The following EP400 variants were observed in gnomAD, a reference collection of about 807,000 sequenced individuals.
EP400 encodes E1A binding protein p400, also known as E1A-binding protein p400.
In EP400, 105 loss-of-function variants were observed where a neutral mutation model predicts 354.1. The ratio of observed to expected loss-of-function variants is 0.30; its 90% CI spans 0.25 to 0.35. The LOEUF (loss-of-function observed/expected upper bound fraction) is 0.35, where lower values mean the gene tolerates loss of function less well. EP400 is among the 10% of genes least tolerant of loss of function. EP400 has a pLI of 1.00. For synonymous variants in EP400, 1,646 were observed against 1,716.9 expected (o/e 0.96, Z 1.02); for missense variants, 3,280 against 4,121.0 (o/e 0.80, Z 5.59).
In EP400 at chr12:132,013,183, G is replaced by T; in HGVS notation, c.3611+5G>T. ...AGCGGTTTTCACCCTGCAGAGGTCT[G>T]TGTGTTACGCGCTTGTCATTGAGTG... On this transcript the variant is annotated splice_donor_5th_base_variant and intron_variant, in intron 17 of 52. Coordinates refer to ENST00000389561, the MANE Select transcript of EP400 (RefSeq NM_015409.5). This position sits in a 1 kb window ranked among gnomAD's most constrained non-coding sequence, Gnocchi z 4.5. 1.9e-6 allele frequency: 3 copies of T among 1,608,754 alleles called. No homozygotes were observed. Among genetic ancestry groups the T allele is most frequent in the Non-Finnish European group, 2.6e-6 (3 of 1,176,322 alleles).
chr12:131,953,062 AG>A (rs1423150117), intron 1 of EP400, among the ~76,000 whole-genome samples: 1 of 152,140 alleles, frequency 6.6e-6, no homozygotes. Flanking sequence ...ATCTCCAACA[AG>A]GGAGTGAAAA....
At chr12:131,976,340 G>C (rs1175945859) in intron 2 of EP400, among the ~76,000 whole-genome samples, 1 of 152,148 alleles carries the variant, frequency 6.6e-6, no homozygotes, top group African/African-American at 2.4e-5. Flanking sequence ...AATTGTGCAT[G>C]ATATGTAGAA....
chr12:131,956,693 G>A (rs992989099), intron 1 of EP400, among the ~76,000 whole-genome samples: 1 of 152,048 alleles, frequency 6.6e-6, no homozygotes, highest in African/African-American at 2.4e-5. Flanking sequence ...AATTGCTTCT[G>A]TAATTCCCTT....
rs747186520 is a variant in EP400 at position 132,067,475 on chromosome 12, G to A, written c.8863G>A (p.Val2955Ile). The A allele has an allele frequency of 3.1e-5, 50 of 1,612,638 alleles. No individual in the cohort carries two copies. The highest frequency in any genetic ancestry group is 1.8e-4 in the Middle Eastern group (1 of 5,598). The change falls in exon 50 of 53, where the codon GTC becomes ATC. Residue 2955 changes from valine (V) to isoleucine (I), a missense_variant. Val to Ile is a conservative substitution (Grantham distance 29). Around this residue, in one of 20 missense-constraint regions of EP400, gnomAD observed 279 missense variants for 386.7 expected, o/e 0.72. Coordinates refer to ENST00000389561, the MANE Select transcript of EP400 (RefSeq NM_015409.5). The surrounding 1 kb of genome is among the most constrained non-coding windows in gnomAD (Gnocchi z 5.3). ...QPQAAQGPAAVQQKITAQQIT... is the reference protein window; with the variant it reads ...QPQAAQGPAAIQQKITAQQIT... ...CCAGGCTGCACAGGGCCCGGCAGCCGTCCAGCAGAAGGTACCGGGGCTAGG... is the reference window on the plus strand; with the variant it reads ...CCAGGCTGCACAGGGCCCGGCAGCCATCCAGCAGAAGGTACCGGGGCTAGG...
At position 132,018,188 on chromosome 12, in the gene EP400, CTT is replaced by C. The variant is rs752609744; in HGVS notation, c.4111-16_4111-15del. ...TTTTTTGCCTCTTCATGCAGCAAGACTTTTTTTCTTTTTCTCTCTAGGAAGCA... is the reference window on the plus strand; with the variant it reads ...TTTTTTGCCTCTTCATGCAGCAAGACTTTTTCTTTTTCTCTCTAGGAAGCA... On this transcript the variant is annotated intron_variant, in intron 20 of 52. Transcript: ENST00000389561. The surrounding 1 kb of genome is among the most constrained non-coding windows in gnomAD (Gnocchi z 4.0). The C allele has an allele frequency of 3.7e-6, 6 of 1,605,270 alleles. No homozygotes were observed. Among genetic ancestry groups the C allele is most frequent in the Non-Finnish European group, 5.1e-6 (6 of 1,178,014 alleles).
In EP400 at chr12:132,043,348, C is replaced by T. The variant is rs200801198; in HGVS notation, c.6252C>T (p.Ser2084=). The T allele has an allele frequency of 5.3e-5, 86 of 1,614,006 alleles. No homozygotes were observed. The East Asian group carries it at 1.4e-3, about 27-fold the overall frequency. The change falls in exon 33 of 53, where the codon TCC becomes TCT. Residue 2084 remains serine, a synonymous_variant. Coordinates refer to ENST00000389561, the MANE Select transcript of EP400 (RefSeq NM_015409.5). ...IEYLEEDAQK[S]AQEGVLGPHT... Reference sequence around the variant, plus strand: ...ATCTGGAGGAGGATGCCCAGAAGTCCGCACAGGAGGGGGTGCTGGGACCAC... The same window carrying T: ...ATCTGGAGGAGGATGCCCAGAAGTCTGCACAGGAGGGGGTGCTGGGACCAC...
At position 132,065,122 on chromosome 12, in the gene EP400, T is replaced by TTGAGGGGGGTGGAGAG. The variant is rs1895846961; in HGVS notation, c.8553+241_8553+256dup. The TTGAGGGGGGTGGAGAG allele has an allele frequency of 3.7e-5, 27 of 730,958 alleles. No homozygotes were observed. The South Asian group carries it at 5.1e-4, about 14-fold the overall frequency. 45.3% of individuals were successfully genotyped at this position (730,958 alleles called of 1,614,324 possible). On this transcript the variant is annotated intron_variant, in intron 48 of 52. Coordinates refer to ENST00000389561, the MANE Select transcript of EP400 (RefSeq NM_015409.5). Reference sequence around the variant, plus strand: ...ATCACCAAGCTTCTCAGGGCTTGAATTGAGGGGGGTGGAGAGTGAGCGAGG... The same window carrying TTGAGGGGGGTGGAGAG: ...ATCACCAAGCTTCTCAGGGCTTGAATTGAGGGGGGTGGAGAGTGAGGGGGGTGGAGAGTGAGCGAGG...
intron 35 of EP400, 111 bp from the exon 36 acceptor site, chr12:132,044,559 TG>T: frequency 7.5e-7 from 1 of 1,337,554 alleles, no homozygotes; most frequent in Non-Finnish European, 1.0e-6. Context: ...TAAATAGTCA[TG>T]TTGATCAGAA....
rs760371216 is a variant in EP400, at chr12:132,077,503, C to T, written c.9202C>T (p.Leu3068Phe). Residue 3068 changes from leucine (L) to phenylalanine (F), a missense_variant, in exon 53 of 53, where the codon CTC (leucine) becomes TTC (phenylalanine). By Grantham distance (22) the Leu-to-Phe change is conservative. Coordinates refer to ENST00000389561, the MANE Select transcript of EP400 (RefSeq NM_015409.5). ...GACTGCCCAGGTGGTTCAGCAGAAA[C>T]TCATTCAGCAGCAGGTGGTGACCAC... ...TATAQVVQQK[L>F]IQQQVVTTAS... The T allele has an allele frequency of 1.2e-6, 2 of 1,613,824 alleles. No homozygotes were observed. Among genetic ancestry groups the T allele is most frequent in the Non-Finnish European group, 1.7e-6 (2 of 1,180,026 alleles).
intron 1 of EP400, among the ~76,000 whole-genome samples, chr12:131,959,098 G>A (rs765175566): frequency 1.2e-4 from 18 of 152,164 alleles, no homozygotes; most frequent in South Asian, 4.2e-4. Flanking sequence ...GGAACATTGC[G>A]GAGTGGTGTG....
At chr12:132,055,286 CTTCTTT>C (rs1397650449) in intron 45 of EP400, 78 bp downstream of exon 45, 8 of 1,207,290 alleles carry the variant, frequency 6.6e-6, no homozygotes, top group Middle Eastern at 2.7e-4. Flanking sequence ...AATTCTTCTT[CTTCTTT>C]TTAAGTATTC....
intron 13 of EP400, among the ~76,000 whole-genome samples, chr12:132,005,838 A>G (rs1198871049): frequency 6.6e-6 from 1 of 152,166 alleles, no homozygotes; most frequent in Non-Finnish European, 1.5e-5. Context: ...CCTAATTGCT[A>G]TGGAGACATT....
At position 132,021,293 on chromosome 12, in the gene EP400, C is replaced by T. The variant is rs1408509983; in HGVS notation, c.4662C>T (p.Leu1554=). The change falls in exon 23 of 53, where the codon CTC becomes CTT. Residue 1554 remains leucine, a synonymous_variant. Transcript: ENST00000389561. Reference sequence around the variant, plus strand: ...GCGCGCTGCCTCAGAGGCTGGTGCTCCCCTCGCAGGCCCAGGCCCGCTTGC... The same window carrying T: ...GCGCGCTGCCTCAGAGGCTGGTGCTTCCCTCGCAGGCCCAGGCCCGCTTGC... ...GQSALPQRLV[L]PSQAQARLPS... 8 of 1,526,528 alleles carry T rather than the reference C, an allele frequency of 5.2e-6. No homozygotes were observed. Among genetic ancestry groups the T allele is most frequent in the Non-Finnish European group, 7.0e-6 (8 of 1,143,104 alleles). The allele number at this position is 1,526,528 out of a possible 1,614,324, so 94.6% of individuals were successfully genotyped here.
rs1479250660 is a variant in EP400 at position 132,017,083 on chromosome 12, G to C, written c.3924-452G>C. 6.6e-6 allele frequency among the ~76,000 whole-genome samples: 1 copy of C among 152,208 alleles called. No homozygotes were observed. Among genetic ancestry groups the C allele is most frequent in the East Asian group, 1.9e-4 (1 of 5,182 alleles). The stretch of plus-strand genomic sequence containing the variant: ...GTCCTTCTGTCTGCCCCCTTCACTG[G>C]GTGGTAAGCCGCACAGGGCATGGAC... On this transcript the variant is annotated intron_variant, in intron 19 of 52. Transcript: ENST00000389561. The surrounding 1 kb of genome is among the most constrained non-coding windows in gnomAD (Gnocchi z 5.0).
chr12:132,034,475 C>T (rs1565923559), intron 30 of EP400, among the ~76,000 whole-genome samples: 1 of 152,206 alleles, frequency 6.6e-6, no homozygotes, highest in Non-Finnish European at 1.5e-5. Context: ...CGTGCACACA[C>T]ACGGTTGGGT....
In EP400 at chr12:132,077,749, G is replaced by A; in HGVS notation, c.*76G>A. 6.9e-7 allele frequency: 1 copy of A among 1,454,916 alleles called. No individual in the cohort carries two copies. The highest frequency in any genetic ancestry group is 9.1e-7 in the Non-Finnish European group (1 of 1,098,952). 90.1% of individuals were successfully genotyped at this position (1,454,916 alleles called of 1,614,324 possible). Reference sequence around the variant, plus strand: ...GAAAACGCTTTATTAGTGAACCTTGGGACCATGTCACGCAAGAGATTCAGC... The same window carrying A: ...GAAAACGCTTTATTAGTGAACCTTGAGACCATGTCACGCAAGAGATTCAGC... On this transcript the variant is annotated 3_prime_UTR_variant, in exon 53 of 53. Transcript: ENST00000389561.
intron 6 of EP400, among the ~76,000 whole-genome samples, chr12:131,987,189 C>G (rs545265132): frequency 8.5e-5 from 13 of 152,186 alleles, no homozygotes; most frequent in Non-Finnish European, 1.8e-4. Context: ...TTAGCACTTA[C>G]TTTGGGTTGG....
At chr12:132,003,380 G>A (rs969120942) in intron 12 of EP400, among the ~76,000 whole-genome samples, 4 of 152,086 alleles carry the variant, frequency 2.6e-5, no homozygotes, top group East Asian at 1.9e-4. Context: ...TATAGGTTAC[G>A]TGCAAATATA....
At chr12:132,011,859 G>A (rs1893778081) in intron 16 of EP400, among the ~76,000 whole-genome samples, 1 of 152,174 alleles carries the variant, frequency 6.6e-6, no homozygotes, top group African/African-American at 2.4e-5. Flanking sequence ...GCCCAGGTGT[G>A]CACAGATCTC....
Sources: allele counts gnomAD v4.1 joint callset (sites outside exome capture counted in the v4.1 genomes callset), GRCh38; gene constraint gnomAD v4.1.1; regional missense constraint gnomAD v4.1.1; non-coding constraint Gnocchi (gnomAD v3.1); transcripts MANE v1.5; gene names NCBI Gene and HGNC (gene_info 2026-07-23, HGNC 2026-07-21).